BIRC6: variants seen among roughly 807,000 people sequenced by gnomAD.
The protein encoded by BIRC6 is baculoviral IAP repeat containing 6.
BIRC6 carries 98 observed loss-of-function variants against 503.3 expected under a neutral mutation model. The ratio of observed to expected loss-of-function variants is 0.19; its 90% CI spans 0.17 to 0.23. The LOEUF (loss-of-function observed/expected upper bound fraction) is 0.23. Ranked by LOEUF, BIRC6 falls within the 10% of genes least tolerant of loss-of-function variation. The probability of loss-of-function intolerance (pLI) is 1.00; values close to 1 mark genes in which losing one functional copy is unlikely to be tolerated. For synonymous variants in BIRC6, 2,240 were observed against 2,078.7 expected, an observed-to-expected ratio of 1.08 and a Z score of -2.11; for missense variants, 5,360 against 5,806.0, an observed-to-expected ratio of 0.92 and a Z score of 2.50.
In BIRC6 at chr2:32,559,419, A is replaced by T. The variant is rs577748092; in HGVS notation, c.13144+9938A>T. Among the ~76,000 whole-genome samples the T allele has an allele frequency of 3.5e-4, 54 of 152,364 alleles. No homozygotes were observed. The Middle Eastern group carries it at 0.014, about 38-fold the overall frequency. ...CAGGCAGGCGCACATTGAATCCTGTAATAACAATGAAGTATGTGTAAAGGA... is the reference window on the plus strand; with the variant it reads ...CAGGCAGGCGCACATTGAATCCTGTTATAACAATGAAGTATGTGTAAAGGA... On this transcript the variant is annotated intron_variant, in intron 65 of 73. Coordinates refer to ENST00000421745, the MANE Select transcript of BIRC6 (RefSeq NM_016252.4).
intron 49 of BIRC6, among the ~76,000 whole-genome samples, chr2:32,504,263 A>T (rs2053554730): frequency 6.6e-6 from 1 of 152,040 alleles, no homozygotes; most frequent in African/African-American, 2.4e-5. Flanking sequence ...TCTAGTTTAC[A>T]TAGTTTCTTT....
chr2:32,376,662 T>C (rs1357144851), intron 1 of BIRC6, among the ~76,000 whole-genome samples: 1 of 152,184 alleles, frequency 6.6e-6, no homozygotes, highest in African/African-American at 2.4e-5. Flanking sequence ...AATGTATGAA[T>C]TGGAAAAAAA....
chr2:32,610,389 A>G (rs2062782262), intron 72 of BIRC6, among the ~76,000 whole-genome samples: 1 of 152,252 alleles, frequency 6.6e-6, no homozygotes. Context: ...TAGAATTTAA[A>G]AATCGCAAAT....
intron 4 of BIRC6, among the ~76,000 whole-genome samples, 186 bp from the exon 5 acceptor site, chr2:32,391,853 C>A (rs1474487023): frequency 2.0e-5 from 3 of 152,182 alleles, no homozygotes; most frequent in Non-Finnish European, 4.4e-5. Context: ...TTCTCCTTCC[C>A]TTTCTGTTTA....
At chr2:32,492,588 A>G (rs747661718) in intron 44 of BIRC6, among the ~76,000 whole-genome samples, 1 of 152,110 alleles carries the variant, frequency 6.6e-6, no homozygotes, top group South Asian at 2.1e-4. Context: ...CATCAGCTAT[A>G]TTGCCCCAAA....
chr2:32,383,395 T>C (rs115342368), intron 3 of BIRC6, among the ~76,000 whole-genome samples: 2,489 of 152,326 alleles, frequency 0.016, 52 homozygotes, highest in African/African-American at 0.058. Context: ...GTCAAGAAGA[T>C]ATCTAATTTC....
At chr2:32,413,176 A>ATT (rs766213127) in intron 9 of BIRC6, among the ~76,000 whole-genome samples, 72 of 122,042 alleles carry the variant, frequency 5.9e-4, no homozygotes, top group Admixed American at 7.7e-4. Flanking sequence ...TGCCCGGCTA[A>ATT]TTTTTTTTTT....
Position 32,458,070 on chromosome 2 carries a change from A to T in BIRC6, c.4753+4128A>T, listed in dbSNP as rs150275022. On this transcript the variant is annotated intron_variant, in intron 23 of 73. Coordinates refer to ENST00000421745, the MANE Select transcript of BIRC6 (RefSeq NM_016252.4). The stretch of plus-strand genomic sequence containing the variant: ...TAGAATTCTATAGGGATTCTAAGTT[A>T]CTAGTTATTTTTACTGGTGATTTAA... 2.8e-3 allele frequency among the ~76,000 whole-genome samples: 430 copies of T among 152,288 alleles called. 1 individual carries two copies. The highest frequency in any genetic ancestry group is 4.1e-3 in the Non-Finnish European group (282 of 68,000).
At chr2:32,384,775 C>T (rs1217399818) in intron 3 of BIRC6, among the ~76,000 whole-genome samples, 1 of 152,170 alleles carries the variant, frequency 6.6e-6, no homozygotes, top group African/African-American at 2.4e-5. Context: ...GTATTTTGCA[C>T]ACAAGTCCAT....
intron 4 of BIRC6, among the ~76,000 whole-genome samples, chr2:32,390,530 G>A (rs891275726): frequency 6.6e-6 from 1 of 152,088 alleles, no homozygotes; most frequent in Non-Finnish European, 1.5e-5. Flanking sequence ...GGCCAGGCTG[G>A]TCTCGAACTC....
Position 32,493,528 on chromosome 2 carries a change from A to G in BIRC6, c.8341-12A>G, listed in dbSNP as rs745796205. On this transcript the variant is annotated splice_polypyrimidine_tract_variant and intron_variant, in intron 44 of 73. Coordinates refer to ENST00000421745, the MANE Select transcript of BIRC6 (RefSeq NM_016252.4). Reference sequence around the variant, plus strand: ...AGTAAGCAGTTTTCAGTGAATATACATTTCTCTTTAGGTTGGTCCTACAGC... The same window carrying G: ...AGTAAGCAGTTTTCAGTGAATATACGTTTCTCTTTAGGTTGGTCCTACAGC... The G allele has an allele frequency of 1.3e-6, 2 of 1,591,508 alleles. No individual in the cohort carries two copies. Among genetic ancestry groups the G allele is most frequent in the Admixed American group, 1.7e-5 (1 of 58,710 alleles).
At chr2:32,573,924 T>C (rs2060085176) in intron 65 of BIRC6, among the ~76,000 whole-genome samples, 1 of 152,188 alleles carries the variant, frequency 6.6e-6, no homozygotes, top group Admixed American at 6.5e-5. Flanking sequence ...TATTTAATCA[T>C]TTCTATATGT....
chr2:32,546,712 G>C (rs1572934844), intron 63 of BIRC6, among the ~76,000 whole-genome samples: 1 of 152,148 alleles, frequency 6.6e-6, no homozygotes, highest in East Asian at 1.9e-4. Context: ...GCTTTATAAA[G>C]ATATATTTTA....
chr2:32,423,443 A>G (rs1033074002), intron 10 of BIRC6, among the ~76,000 whole-genome samples: 1 of 152,228 alleles, frequency 6.6e-6, no homozygotes, highest in Non-Finnish European at 1.5e-5. Context: ...CTCTGTAACC[A>G]TTAAGCAGTA....
rs115342871 is a variant in BIRC6 at position 32,528,058 on chromosome 2, C to G, written c.11921-1593C>G. On this transcript the variant is annotated intron_variant, in intron 59 of 73. Coordinates refer to ENST00000421745, the MANE Select transcript of BIRC6 (RefSeq NM_016252.4). Reference sequence around the variant, plus strand: ...ACTCCACAAGAACCATTTTTAAAAGCCTTCCAGCAGAATGTCTCTTCATCC... The same window carrying G: ...ACTCCACAAGAACCATTTTTAAAAGGCTTCCAGCAGAATGTCTCTTCATCC... 8.6e-3 allele frequency: 1,305 copies of G among 152,278 alleles called. 9 individuals carry two copies. The highest frequency in any genetic ancestry group is 0.023 in the Middle Eastern group (7 of 308). 9.4% of individuals were successfully genotyped at this position (152,278 alleles called of 1,614,324 possible). A position where few individuals can be genotyped will look rare whatever the true frequency, so the allele number is the denominator to read the frequency against.
chr2:32,532,569 C>T (rs2056872601), intron 61 of BIRC6, among the ~76,000 whole-genome samples: 1 of 152,118 alleles, frequency 6.6e-6, no homozygotes, highest in South Asian at 2.1e-4. Flanking sequence ...TCTGCAAAGG[C>T]CCCATTTCCA....
At chr2:32,550,345 A>G (rs919086119) in intron 65 of BIRC6, among the ~76,000 whole-genome samples, 2 of 152,102 alleles carry the variant, frequency 1.3e-5, no homozygotes, top group African/African-American at 2.4e-5. Flanking sequence ...ATTTCAAGGG[A>G]TTATTGCCCG....
chr2:32,404,840 T>C (rs2041020164), intron 8 of BIRC6, among the ~76,000 whole-genome samples: 1 of 152,022 alleles, frequency 6.6e-6, no homozygotes, highest in South Asian at 2.1e-4. Context: ...TTTTTATTTT[T>C]TTGTGGAGAT....
chr2:32,430,897 C>G lies in BIRC6; in HGVS notation c.3055C>G (p.Leu1019Val), dbSNP rs750062611. Residue 1019 changes from leucine (L) to valine (V), a missense_variant, in exon 12 of 74, where the codon CTT becomes GTT. Coordinates refer to ENST00000421745, the MANE Select transcript of BIRC6 (RefSeq NM_016252.4). ...VDLLVDQPFT[L>V]EILTSLVELT... ...TTTATTGGTGGACCAGCCATTCACCCTTGAAATCTTGACATCCCTAGTGGA... is the reference window on the plus strand; with the variant it reads ...TTTATTGGTGGACCAGCCATTCACCGTTGAAATCTTGACATCCCTAGTGGA... The G allele has an allele frequency of 3.1e-6, 5 of 1,611,392 alleles. No individual in the cohort carries two copies. Among genetic ancestry groups the G allele is most frequent in the Non-Finnish European group, 4.2e-6 (5 of 1,179,158 alleles).
Sources: allele counts gnomAD v4.1 joint callset (sites outside exome capture counted in the v4.1 genomes callset), GRCh38; gene constraint gnomAD v4.1.1; transcripts MANE v1.5; gene names NCBI Gene and HGNC (gene_info 2026-07-23, HGNC 2026-07-21).